MTUS2: variants seen among roughly 807,000 people sequenced by gnomAD.
MTUS2 encodes microtubule-associated tumor suppressor candidate 2.
A neutral mutation model predicts 114.1 loss-of-function variants in MTUS2; 40 were observed. That is an observed-to-expected ratio of 0.35 (90% CI 0.27 to 0.46). MTUS2 has a LOEUF of 0.46. Ranked by LOEUF, MTUS2 falls within the 20% of genes least tolerant of loss-of-function variation. The pLI, the probability that MTUS2 is intolerant of heterozygous loss-of-function variation, is 1.00. For synonymous variants in MTUS2, 688 were observed against 672.0 expected, an observed-to-expected ratio of 1.02 and a Z score of -0.37; for missense variants, 1,679 against 1,705.4, an observed-to-expected ratio of 0.98 and a Z score of 0.27.
Position 29,324,775 on chromosome 13 carries a change from G to C in MTUS2, c.2905+64G>C. ...TTGAACTTGGAATTTATCTTATTCA[G>C]ATGTCATTAATGGAGCAATGCCAAC... is the stretch of plus-strand genomic sequence containing the variant. On this transcript the variant is annotated intron_variant, in intron 7 of 15. Coordinates refer to ENST00000612955, the MANE Select transcript of MTUS2 (RefSeq NM_001033602.4). 2.3e-6 allele frequency: 3 copies of C among 1,290,064 alleles called. No individual in the cohort carries two copies. The East Asian group carries it at 7.5e-5, about 32-fold the overall frequency. 79.9% of individuals were successfully genotyped at this position (1,290,064 alleles called of 1,614,324 possible).
rs572463976 is a variant in MTUS2, at chr13:28,990,129, G to T, written c.-242-34328G>T. On this transcript the variant is annotated intron_variant, in intron 2 of 15. Transcript: ENST00000612955. ...CTCATTCAACATGTATCTATGAATTGCTCTGTGCCAGGCACAAGATGTTTT... is the reference window on the plus strand; with the variant it reads ...CTCATTCAACATGTATCTATGAATTTCTCTGTGCCAGGCACAAGATGTTTT... Among the ~76,000 whole-genome samples, 4 of 152,252 alleles carry T rather than the reference G, an allele frequency of 2.6e-5. No homozygotes were observed. In the East Asian group the frequency reaches 7.7e-4, roughly 29 times the overall value.
In MTUS2 at chr13:29,034,048, A is replaced by G; in HGVS notation, c.2369A>G (p.Gln790Arg). The G allele has an allele frequency of 6.2e-7, 1 of 1,614,028 alleles. No individual in the cohort carries two copies. The highest frequency in any genetic ancestry group is 8.5e-7 in the Non-Finnish European group (1 of 1,179,896). The change falls in exon 4 of 16, where the codon CAG (glutamine) becomes CGG (arginine). Residue 790 changes from glutamine to arginine, a missense_variant. Physicochemically the swap from Gln to Arg is conservative, Grantham distance 43. This residue lies in a region of MTUS2 where 822 missense variants were observed against 899.7 expected (regional missense o/e 0.91). Coordinates refer to ENST00000612955, the MANE Select transcript of MTUS2 (RefSeq NM_001033602.4). ...AAGAGCAGGATTCTGATTGCAAGTC[A>G]GAGGTCTTCAGCGAGCGCCATCCAC... ...SAKSRILIASQRSSASAIHPP... is the reference protein window; with the variant it reads ...SAKSRILIASRRSSASAIHPP...
intron 2 of MTUS2, among the ~76,000 whole-genome samples, chr13:28,930,972 T>C (rs1881583777): frequency 6.6e-6 from 1 of 152,160 alleles, no homozygotes; most frequent in African/African-American, 2.4e-5. Context: ...AATAGTGGAG[T>C]GGGCAGACCT....
intron 8 of MTUS2, among the ~76,000 whole-genome samples, chr13:29,406,179 C>A (rs1462595555): frequency 1.3e-5 from 2 of 152,202 alleles, no homozygotes; most frequent in East Asian, 3.8e-4. Context: ...CAAGAAGAAA[C>A]CTACCCTGTC....
chr13:29,275,330 TG>T (rs1026951983), intron 5 of MTUS2, among the ~76,000 whole-genome samples: 3 of 152,224 alleles, frequency 2.0e-5, no homozygotes, highest in African/African-American at 7.2e-5. Flanking sequence ...ATCAGGTAAA[TG>T]GGGTATCCAT....
chr13:29,147,517 TTTGA>T (rs1436266544), intron 5 of MTUS2, among the ~76,000 whole-genome samples: 2 of 152,068 alleles, frequency 1.3e-5, no homozygotes, highest in African/African-American at 4.8e-5. Flanking sequence ...AGGATTGGGG[TTTGA>T]TTGATCTTGT....
At chr13:29,349,377 C>T (rs1184982700) in intron 7 of MTUS2, among the ~76,000 whole-genome samples, 3 of 151,898 alleles carry the variant, frequency 2.0e-5, no homozygotes, top group Non-Finnish European at 4.4e-5. Context: ...TATTATGAAC[C>T]TATAATACAT....
chr13:29,302,655 A>T (rs1899257350), intron 6 of MTUS2, among the ~76,000 whole-genome samples: 3 of 152,198 alleles, frequency 2.0e-5, no homozygotes, highest in Non-Finnish European at 4.4e-5. Flanking sequence ...TCTCCCTGAG[A>T]TGGATTCAAG....
At chr13:29,456,329 T>TA (rs978977365) in intron 9 of MTUS2, among the ~76,000 whole-genome samples, 1 of 152,046 alleles carries the variant, frequency 6.6e-6, no homozygotes, top group African/African-American at 2.4e-5. Flanking sequence ...AAAAAATGCT[T>TA]AAAAAATGGA....
chr13:29,073,001 C>G (rs929944328), intron 4 of MTUS2, among the ~76,000 whole-genome samples: 5 of 152,080 alleles, frequency 3.3e-5, no homozygotes, highest in Non-Finnish European at 1.5e-5. Flanking sequence ...ATGTTCATTC[C>G]ACAATCCTTC....
At chr13:29,176,186 T>C (rs1012567454) in intron 5 of MTUS2, among the ~76,000 whole-genome samples, 1 of 152,234 alleles carries the variant, frequency 6.6e-6, no homozygotes, top group Non-Finnish European at 1.5e-5. Flanking sequence ...ATTTTATTTC[T>C]GTACAGATTT....
At chr13:29,283,266 C>T (rs900442502) in intron 6 of MTUS2, among the ~76,000 whole-genome samples, 4 of 152,192 alleles carry the variant, frequency 2.6e-5, no homozygotes, top group Non-Finnish European at 4.4e-5. Flanking sequence ...TTTGTTAAGA[C>T]TTAAATTGGC....
At chr13:29,324,021 A>T (rs1254014366) in intron 6 of MTUS2, among the ~76,000 whole-genome samples, 2 of 152,184 alleles carry the variant, frequency 1.3e-5, no homozygotes, top group African/African-American at 4.8e-5. Context: ...TGGACACAAT[A>T]TGAGGAGCGT....
intron 1 of MTUS2, among the ~76,000 whole-genome samples, chr13:28,826,994 A>G (rs1346552944): frequency 6.6e-6 from 1 of 152,218 alleles, no homozygotes; most frequent in Non-Finnish European, 1.5e-5. Context: ...GACATTACTC[A>G]TTGAAAATAG....
intron 7 of MTUS2, among the ~76,000 whole-genome samples, chr13:29,343,236 GTTC>G (rs780671288): frequency 1.5e-4 from 23 of 151,970 alleles, no homozygotes; most frequent in Non-Finnish European, 2.4e-4. Context: ...ATTGGTACCA[GTTC>G]TTCTTTGAAC....
rs1230557990 is a variant in MTUS2 at position 28,891,285 on chromosome 13, C to T, written c.-243+51435C>T. Among the ~76,000 whole-genome samples, 3 of 152,138 alleles carry T rather than the reference C, an allele frequency of 2.0e-5. No homozygotes were observed. In the East Asian group the frequency reaches 5.8e-4, roughly 29 times the overall value. On this transcript the variant is annotated intron_variant, in intron 2 of 15. Coordinates refer to ENST00000612955, the MANE Select transcript of MTUS2 (RefSeq NM_001033602.4). The stretch of plus-strand genomic sequence containing the variant: ...CAGTATCCCTGTAAAGAGCCAGAAA[C>T]GGTAATTTAAAGAAGGCTTGGAAAA...
At chr13:28,890,238 A>G (rs1786126588) in intron 2 of MTUS2, among the ~76,000 whole-genome samples, 1 of 152,190 alleles carries the variant, frequency 6.6e-6, no homozygotes, top group South Asian at 2.1e-4. Flanking sequence ...TTCAAACACC[A>G]GTGATTTGAG....
intron 1 of MTUS2, among the ~76,000 whole-genome samples, chr13:28,826,242 A>G (rs550298264): frequency 6.6e-6 from 1 of 152,348 alleles, no homozygotes; most frequent in African/African-American, 2.4e-5. Context: ...CATCTGCTAA[A>G]TAAGTAAATA....
intron 4 of MTUS2, among the ~76,000 whole-genome samples, chr13:29,058,117 A>G (rs1283423387): frequency 6.6e-6 from 1 of 151,774 alleles, no homozygotes; most frequent in Non-Finnish European, 1.5e-5. Flanking sequence ...ATAGGCCCCC[A>G]GTCTCTTCTG....
Sources: gnomAD v4.1 joint callset for allele counts (sites outside exome capture counted in the v4.1 genomes callset) on GRCh38, gnomAD v4.1.1 for gene constraint, gnomAD v4.1.1 regional missense constraint, MANE v1.5 for transcripts, NCBI Gene and HGNC (gene_info 2026-07-23, HGNC 2026-07-21) for gene names.